The following HIKESHI variants were observed in gnomAD, a reference collection of about 807,000 sequenced individuals.
HIKESHI encodes the protein heat shock protein nuclear import factor hikeshi.
HIKESHI carries 13 observed loss-of-function variants against 25.7 expected under a neutral mutation model. The observed-to-expected ratio is 0.51, with a 90% CI of 0.33 to 0.80. The LOEUF (loss-of-function observed/expected upper bound fraction) is 0.80. Among genes scored for constraint, HIKESHI ranks in the 30% least tolerant of loss-of-function variants. The pLI is 0.02. For missense variants in HIKESHI, 174 were observed against 229.5 expected (o/e 0.76, Z 1.56); for synonymous variants, 76 against 78.7 (o/e 0.97, Z 0.18).
intron 2 of HIKESHI, among the ~76,000 whole-genome samples, chr11:86,321,845 A>T (rs1947157349): frequency 6.6e-6 from 1 of 152,068 alleles, no homozygotes; most frequent in Admixed American, 6.6e-5. Flanking sequence ...TTACATTTCA[A>T]CCAAGAGTGT....
intron 2 of HIKESHI, among the ~76,000 whole-genome samples, chr11:86,317,735 G>A (rs1288119491): frequency 6.6e-6 from 1 of 151,646 alleles, no homozygotes; most frequent in East Asian, 2.0e-4. Context: ...AGCCAGGGAG[G>A]CAGAGGTTGC....
rs746147343 is a variant in HIKESHI, at chr11:86,337,447, A to G, written c.337A>G (p.Ile113Val). Reference sequence around the variant, plus strand: ...AACTCCATCTGTTGCTCAGATTGGAATTTCAGTGGAATTATTAGACAGTAT... The same window carrying G: ...AACTCCATCTGTTGCTCAGATTGGAGTTTCAGTGGAATTATTAGACAGTAT... Reference protein sequence around the residue: ...VRTPSVAQIGISVELLDSMAQ... With the variant: ...VRTPSVAQIGVSVELLDSMAQ... Residue 113 changes from isoleucine (I) to valine (V), a missense_variant, in exon 3 of 5, where the codon ATT (isoleucine) becomes GTT (valine). Ile to Val is a conservative substitution (Grantham distance 29, BLOSUM62 3). Transcript: ENST00000278483. 4.3e-6 allele frequency: 7 copies of G among 1,614,060 alleles called. No homozygotes were observed. The highest frequency in any genetic ancestry group is 5.9e-6 in the Non-Finnish European group (7 of 1,179,974).
At chr11:86,314,070 A>C (rs999446971) in intron 2 of HIKESHI, among the ~76,000 whole-genome samples, 4 of 152,210 alleles carry the variant, frequency 2.6e-5, no homozygotes, top group South Asian at 4.1e-4. Context: ...CCTATTCCAT[A>C]GTATTCTACA....
chr11:86,317,331 A>T (rs1294929374), intron 2 of HIKESHI, among the ~76,000 whole-genome samples: 1 of 151,854 alleles, frequency 6.6e-6, no homozygotes, highest in Non-Finnish European at 1.5e-5. Flanking sequence ...TCAAAAACAG[A>T]AACAAAAAAA....
intron 2 of HIKESHI, chr11:86,326,634 C>T (rs1947289533): frequency 2.2e-6 from 1 of 447,938 alleles, no homozygotes; most frequent in African/African-American, 2.0e-5. Flanking sequence ...AAATGAGAAT[C>T]TCTCTATGGA....
At chr11:86,319,242 A>ATATATATTTT (rs1383589741) in intron 2 of HIKESHI, among the ~76,000 whole-genome samples, 8 of 94,942 alleles carry the variant, frequency 8.4e-5, no homozygotes, top group African/African-American at 3.7e-4. Context: ...ATATATATAT[A>ATATATATTTT]TTTTTTTTTT....
At chr11:86,315,934 A>T (rs927263954) in intron 2 of HIKESHI, among the ~76,000 whole-genome samples, 1 of 152,102 alleles carries the variant, frequency 6.6e-6, no homozygotes, top group Non-Finnish European at 1.5e-5. Flanking sequence ...CCGGTTCTTA[A>T]AAAGGAGAGT....
At chr11:86,327,368 G>C (rs575284426) in intron 2 of HIKESHI, among the ~76,000 whole-genome samples, 1 of 151,278 alleles carries the variant, frequency 6.6e-6, no homozygotes, top group Admixed American at 6.6e-5. Flanking sequence ...AGGCTAGAGC[G>C]TAGTGGCGCA....
chr11:86,335,836 C>T (rs917424143), intron 2 of HIKESHI, among the ~76,000 whole-genome samples: 5 of 152,112 alleles, frequency 3.3e-5, no homozygotes, highest in South Asian at 2.1e-4. Flanking sequence ...TTTATAGCGT[C>T]GTCACATTGT....
intron 2 of HIKESHI, among the ~76,000 whole-genome samples, chr11:86,335,539 C>T (rs1947532363): frequency 1.3e-5 from 2 of 152,162 alleles, no homozygotes; most frequent in Admixed American, 1.3e-4. Context: ...TCCGCACAAG[C>T]AGGAAGTGAA....
chr11:86,305,463 C>T (rs1256968323), intron 1 of HIKESHI, among the ~76,000 whole-genome samples: 5 of 150,602 alleles, frequency 3.3e-5, no homozygotes, highest in South Asian at 2.1e-4. Flanking sequence ...CTCAGCTCAC[C>T]GCAACCTCTA....
At chr11:86,307,219 T>G (rs1474983907) in intron 2 of HIKESHI, among the ~76,000 whole-genome samples, 1 of 71,954 alleles carries the variant, frequency 1.4e-5, no homozygotes, top group Non-Finnish European at 2.5e-5. Flanking sequence ...ATCAAATATA[T>G]ATTATGTGTA....
intron 2 of HIKESHI, among the ~76,000 whole-genome samples, chr11:86,315,977 T>C (rs1043961355): frequency 6.6e-6 from 1 of 151,944 alleles, no homozygotes; most frequent in Non-Finnish European, 1.5e-5. Context: ...AGTAATCCTA[T>C]TAAAAATGTA....
chr11:86,310,998 A>G (rs1199648169), intron 2 of HIKESHI, among the ~76,000 whole-genome samples: 2 of 152,176 alleles, frequency 1.3e-5, no homozygotes, highest in African/African-American at 4.8e-5. Context: ...ATCGATGTTC[A>G]TCAGGGTTAT....
At chr11:86,338,398 T>G (rs1947626384) in intron 3 of HIKESHI, among the ~76,000 whole-genome samples, 1 of 142,730 alleles carries the variant, frequency 7.0e-6, no homozygotes, top group Admixed American at 6.7e-5. Context: ...TATATGGAGG[T>G]GTTCACTTTA....
At position 86,306,473 on chromosome 11, in the gene HIKESHI, C is replaced by G. The variant is rs2138284628; in HGVS notation, c.259C>G (p.Leu87Val). 1 of 1,590,172 alleles carries G rather than the reference C, an allele frequency of 6.3e-7. No homozygotes were observed. Among genetic ancestry groups the G allele is most frequent in the Non-Finnish European group, 8.6e-7 (1 of 1,158,884 alleles). Residue 87 changes from leucine (L) to valine (V), a missense_variant, in exon 2 of 5, where the codon CTT (leucine) becomes GTT (valine). Physicochemically the swap from Leu to Val is conservative, Grantham distance 32. Coordinates refer to ENST00000278483, the MANE Select transcript of HIKESHI (RefSeq NM_016401.4). ...KPSAIFKISG[L>V]KSGEGSQHPF... ...AAGTGCCATCTTCAAAATTTCAGGT[C>G]TTAAATCTGGTAAGAATAATATATT... is the stretch of plus-strand genomic sequence containing the variant.
At chr11:86,344,555 T>C in intron 3 of HIKESHI, 48 bp from the exon 4 acceptor site, 1 of 1,072,808 alleles carries the variant, frequency 9.3e-7, no homozygotes, top group South Asian at 1.5e-5. Flanking sequence ...TATTGAGTTC[T>C]AAATGAAGTA....
Position 86,337,535 on chromosome 11 carries a change from T to A in HIKESHI, c.420+5T>A, listed in dbSNP as rs761567254. On this transcript the variant is annotated splice_donor_5th_base_variant and intron_variant, in intron 3 of 4. Transcript: ENST00000278483. The stretch of plus-strand genomic sequence containing the variant: ...TCAGTTGACTCATTCACTCAGGTAA[T>A]GCAACATACATTTCATTCTTTACCT... 1.2e-6 allele frequency: 2 copies of A among 1,609,848 alleles called. No individual in the cohort carries two copies. The highest frequency in any genetic ancestry group is 2.2e-5 in the South Asian group (2 of 89,950).
chr11:86,325,529 G>T (rs886299230), intron 2 of HIKESHI, among the ~76,000 whole-genome samples: 1 of 151,920 alleles, frequency 6.6e-6, no homozygotes, highest in African/African-American at 2.4e-5. Flanking sequence ...GAAACAAGAA[G>T]AAACTTTTTT....
Sources: gnomAD v4.1 joint callset for allele counts (sites outside exome capture counted in the v4.1 genomes callset) on GRCh38, gnomAD v4.1.1 for gene constraint, MANE v1.5 for transcripts, NCBI Gene and HGNC (gene_info 2026-07-23, HGNC 2026-07-21) for gene names.